The following BCL2 variants were observed in gnomAD, a reference collection of about 807,000 sequenced individuals.
BCL2 encodes the protein BCL2 apoptosis regulator.
In BCL2, 1 loss-of-function variant was observed where a neutral mutation model predicts 14.2. That is an observed-to-expected ratio of 0.07 (90% CI 0.02 to 0.33). The LOEUF (loss-of-function observed/expected upper bound fraction) is 0.33. Among genes scored for constraint, BCL2 ranks in the 10% least tolerant of loss-of-function variants. BCL2 has a pLI of 0.99. For synonymous variants in BCL2, 151 were observed against 137.2 expected (o/e 1.10, Z -0.70); for missense variants, 247 against 305.9 (o/e 0.81, Z 1.44).
intron 2 of BCL2, among the ~76,000 whole-genome samples, chr18:63,251,745 C>G (rs1911325398): frequency 6.7e-6 from 1 of 150,106 alleles, no homozygotes; most frequent in Admixed American, 6.6e-5. Flanking sequence ...GTTGCCCAGG[C>G]TGGAGTGCAA....
chr18:63,154,639 C>T (rs537388973), intron 2 of BCL2, among the ~76,000 whole-genome samples: 8 of 152,308 alleles, frequency 5.3e-5, no homozygotes, highest in Admixed American at 4.6e-4. Flanking sequence ...CCACACTCAG[C>T]TCAAATACCA....
intron 2 of BCL2, among the ~76,000 whole-genome samples, chr18:63,261,569 T>C (rs1911659911): frequency 1.3e-5 from 2 of 152,062 alleles, no homozygotes; most frequent in South Asian, 2.1e-4. Context: ...GTTGAATGAA[T>C]AGGAAAAAGG....
At chr18:63,217,867 G>C (rs1910248295) in intron 2 of BCL2, among the ~76,000 whole-genome samples, 1 of 152,194 alleles carries the variant, frequency 6.6e-6, no homozygotes, top group Non-Finnish European at 1.5e-5. Flanking sequence ...GACGTTGAGT[G>C]TTCACTTTAA....
At chr18:63,236,249 C>A (rs1910826209) in intron 2 of BCL2, among the ~76,000 whole-genome samples, 2 of 152,208 alleles carry the variant, frequency 1.3e-5, no homozygotes, top group Non-Finnish European at 2.9e-5. Context: ...TTTTTCTTTA[C>A]AAATTACCCA....
chr18:63,158,471 G>C (rs951146704), intron 2 of BCL2, among the ~76,000 whole-genome samples: 1 of 151,876 alleles, frequency 6.6e-6, no homozygotes, highest in African/African-American at 2.4e-5. Context: ...GACCCTCCGA[G>C]ACCCCCAGGC....
Position 63,318,015 on chromosome 18 carries a change from C to T in BCL2, c.585+67G>A, listed in dbSNP as rs1299846521. On this transcript the variant is annotated intron_variant, in intron 2 of 2. Coordinates refer to ENST00000333681, the MANE Select transcript of BCL2 (RefSeq NM_000633.3). This position sits in a 1 kb window ranked among gnomAD's most constrained non-coding sequence, Gnocchi z 7.4. ...CCTCCCATTGCCCCAGGAGCCCACC[C>T]GCACTCCAACCCCCGCATCTCGGAC... 1.9e-6 allele frequency: 3 copies of T among 1,567,440 alleles called. No individual in the cohort carries two copies. The highest frequency in any genetic ancestry group is 2.6e-6 in the Non-Finnish European group (3 of 1,152,728).
intron 2 of BCL2, among the ~76,000 whole-genome samples, chr18:63,215,831 A>C (rs1910184098): frequency 6.6e-6 from 1 of 152,174 alleles, no homozygotes; most frequent in Non-Finnish European, 1.5e-5. Flanking sequence ...TTTTTTAATA[A>C]GGTGAAATGT....
rs182022992 is a variant in BCL2 at position 63,226,086 on chromosome 18, T to G, written c.585+91996A>C. Among the ~76,000 whole-genome samples the G allele has an allele frequency of 2.5e-3, 383 of 152,316 alleles. 2 individuals carry two copies. Among genetic ancestry groups the G allele is most frequent in the Non-Finnish European group, 4.7e-3 (317 of 68,014 alleles). On this transcript the variant is annotated intron_variant, in intron 2 of 2. Coordinates refer to ENST00000333681, the MANE Select transcript of BCL2 (RefSeq NM_000633.3). ...AGGGGAGCTGAAAAGGGGACGGGGA[T>G]GGAAGGTAATCTTCCCCTGAAGTCC...
At chr18:63,200,783 G>A (rs1909668258) in intron 2 of BCL2, among the ~76,000 whole-genome samples, 1 of 151,798 alleles carries the variant, frequency 6.6e-6, no homozygotes. Flanking sequence ...GGACACGCCT[G>A]GTTAATTTTT....
intron 2 of BCL2, among the ~76,000 whole-genome samples, chr18:63,135,730 C>A (rs1357860713): frequency 6.6e-6 from 1 of 152,186 alleles, no homozygotes; most frequent in Non-Finnish European, 1.5e-5. Flanking sequence ...ATTTCAATCG[C>A]ATCCTTCCTT....
In BCL2 at chr18:63,125,232, G is replaced by C. The variant is rs1472186838; in HGVS notation, c.*3393C>G. 1 of 226,072 alleles carries C rather than the reference G, an allele frequency of 4.4e-6. No individual in the cohort carries two copies. The highest frequency in any genetic ancestry group is 6.3e-5 in the East Asian group (1 of 15,840). The allele number at this position is 226,072 out of a possible 1,614,324, so 14.0% of individuals were successfully genotyped here. ...GGAAGGCCACATCTGAACACAGAGA[G>C]GTAAGTGAGCTGTGGAGAGAATGTT... On this transcript the variant is annotated 3_prime_UTR_variant, in exon 3 of 3. Coordinates refer to ENST00000333681, the MANE Select transcript of BCL2 (RefSeq NM_000633.3).
chr18:63,169,409 TTCTCTC>T lies in BCL2; in HGVS notation c.586-40656_586-40651del, dbSNP rs139297674. 8.3e-3 allele frequency among the ~76,000 whole-genome samples: 937 copies of T among 112,678 alleles called. 41 individuals are homozygous for T. Among genetic ancestry groups the T allele is most frequent in the African/African-American group, 0.026 (618 of 23,680 alleles). 73.9% of individuals were successfully genotyped at this position (112,678 alleles called of 152,430 possible). On this transcript the variant is annotated intron_variant, in intron 2 of 2. Coordinates refer to ENST00000333681, the MANE Select transcript of BCL2 (RefSeq NM_000633.3). ...TTTCTTTTTCTTTCTTTCTTTTTCT[TTCTCTC>T]TCTCTCTCTCTCTTTCTTTTTCTTT...
intron 2 of BCL2, among the ~76,000 whole-genome samples, chr18:63,147,872 G>C (rs1914551493): frequency 6.6e-6 from 1 of 152,146 alleles, no homozygotes; most frequent in Non-Finnish European, 1.5e-5. Flanking sequence ...CATCACTCAA[G>C]ATTACAGTGT....
chr18:63,170,241 G>GT (rs2144630087), intron 2 of BCL2, among the ~76,000 whole-genome samples: 1 of 152,194 alleles, frequency 6.6e-6, no homozygotes, highest in African/African-American at 2.4e-5. Context: ...CGGGCACATG[G>GT]TAAGTGTGAG....
intron 2 of BCL2, among the ~76,000 whole-genome samples, chr18:63,212,361 C>A (rs1438563096): frequency 1.3e-5 from 2 of 150,882 alleles, no homozygotes; most frequent in African/African-American, 4.9e-5. Context: ...ACAAAAAAAA[C>A]ACAAAAAAAC....
At chr18:63,320,068 C>CGGAGAGCGGCGGGCG (rs984071585), upstream of BCL2, 6 of 145,484 alleles carry the variant, frequency 4.1e-5, no homozygotes, top group East Asian at 2.0e-4. Context: ...GGCGGGGCCA[C>CGGAGAGCGGCGGGCG]GGAGAGCGGC....
intron 2 of BCL2, among the ~76,000 whole-genome samples, chr18:63,266,507 A>G (rs1379132254): frequency 6.6e-6 from 1 of 151,470 alleles, no homozygotes; most frequent in African/African-American, 2.4e-5. Flanking sequence ...ATTTTATAAT[A>G]TGTGCTTCTA....
intron 2 of BCL2, among the ~76,000 whole-genome samples, chr18:63,297,174 C>A (rs1478016750): frequency 6.6e-6 from 1 of 151,794 alleles, no homozygotes; most frequent in East Asian, 1.9e-4. Flanking sequence ...GATCACGCCA[C>A]TGCACTCCAG....
intron 2 of BCL2, among the ~76,000 whole-genome samples, chr18:63,280,609 A>G (rs1912283071): frequency 6.6e-6 from 1 of 152,248 alleles, no homozygotes; most frequent in East Asian, 1.9e-4. Context: ...CACTAGGAAG[A>G]TCCAAATCAA....
Sources: gnomAD v4.1 joint callset for allele counts (sites outside exome capture counted in the v4.1 genomes callset) on GRCh38, gnomAD v4.1.1 for gene constraint, Gnocchi (gnomAD v3.1) non-coding constraint, MANE v1.5 for transcripts, NCBI Gene and HGNC (gene_info 2026-07-23, HGNC 2026-07-21) for gene names.